Variants in CDH13 observed in about 807,000 individuals in gnomAD.
CDH13 encodes the protein cadherin-13.
Under a neutral mutation model 63.8 loss-of-function variants are expected in CDH13, and 24 were observed. The ratio of observed to expected loss-of-function variants is 0.38; its 90% CI spans 0.27 to 0.53. The LOEUF (loss-of-function observed/expected upper bound fraction) is 0.53, where lower values mean the gene tolerates loss of function less well. Ranked by LOEUF, CDH13 falls within the 20% of genes least tolerant of loss-of-function variation. The pLI, the probability that CDH13 is intolerant of heterozygous loss-of-function variation, is 0.85. For missense variants in CDH13, 1,049 were observed against 903.1 expected, an observed-to-expected ratio of 1.16 and a Z score of -2.07; for synonymous variants, 503 against 355.3, an observed-to-expected ratio of 1.42 and a Z score of -4.67.
At chr16:83,509,600 T>C (rs558654257) in intron 7 of CDH13, among the ~76,000 whole-genome samples, 1 of 152,206 alleles carries the variant, frequency 6.6e-6, no homozygotes, top group East Asian at 1.9e-4. Flanking sequence ...GGGAAGTAGA[T>C]TTCTGGAAAG....
intron 6 of CDH13, among the ~76,000 whole-genome samples, chr16:83,402,690 T>C (rs2091985946): frequency 6.6e-6 from 1 of 152,142 alleles, no homozygotes; most frequent in Admixed American, 6.5e-5. Context: ...ATGACTAAAG[T>C]CAAGCATTAG....
chr16:83,753,945 G>C (rs1432286788), intron 11 of CDH13, among the ~76,000 whole-genome samples: 2 of 115,784 alleles, frequency 1.7e-5, no homozygotes, highest in Admixed American at 8.6e-5. Flanking sequence ...ATTTCAAAAA[G>C]AAAACCTTTT....
intron 5 of CDH13, among the ~76,000 whole-genome samples, chr16:83,301,596 G>T (rs1010793518): frequency 2.0e-5 from 3 of 152,134 alleles, no homozygotes; most frequent in Non-Finnish European, 4.4e-5. Context: ...TATCTTCTCG[G>T]ATGTAAGAGA....
intron 2 of CDH13, among the ~76,000 whole-genome samples, chr16:82,977,220 G>A (rs1037741519): frequency 6.6e-6 from 1 of 152,158 alleles, no homozygotes; most frequent in Non-Finnish European, 1.5e-5. Flanking sequence ...CATGGACCCA[G>A]TGTCCTTTGT....
At chr16:83,145,476 G>A (rs1227230282) in intron 4 of CDH13, among the ~76,000 whole-genome samples, 1 of 152,156 alleles carries the variant, frequency 6.6e-6, no homozygotes, top group Admixed American at 6.5e-5. Context: ...GCCGTTATTA[G>A]CGATGACAAT....
At chr16:83,026,507 T>C (rs12918209) in intron 2 of CDH13, among the ~76,000 whole-genome samples, 35,251 of 152,086 alleles carry the variant, frequency 0.23, 4,936 homozygotes, top group Non-Finnish European at 0.31. Context: ...GGGACAAAAA[T>C]TGCACTTACA....
intron 9 of CDH13, among the ~76,000 whole-genome samples, chr16:83,676,294 C>T (rs1022555104): frequency 6.6e-6 from 1 of 152,134 alleles, no homozygotes; most frequent in African/African-American, 2.4e-5. Context: ...CCAAACTAGG[C>T]CAAGATTGTG....
intron 4 of CDH13, among the ~76,000 whole-genome samples, chr16:83,171,847 A>G (rs761196678): frequency 1.3e-5 from 2 of 152,160 alleles, no homozygotes; most frequent in Admixed American, 6.6e-5. Flanking sequence ...AACATAAGAA[A>G]TTTAATGTTT....
At chr16:83,055,547 C>G (rs910790640) in intron 3 of CDH13, among the ~76,000 whole-genome samples, 1 of 150,692 alleles carries the variant, frequency 6.6e-6, no homozygotes, top group Admixed American at 6.6e-5. Flanking sequence ...AATCAGTGTA[C>G]CAAAGCATAC....
chr16:82,670,745 A>G (rs1188763447), intron 1 of CDH13, among the ~76,000 whole-genome samples: 1 of 152,212 alleles, frequency 6.6e-6, no homozygotes, highest in Non-Finnish European at 1.5e-5. Context: ...CGTCTCTTCT[A>G]GTAGTCATTT....
chr16:82,800,031 A>G (rs1194885994), intron 1 of CDH13, among the ~76,000 whole-genome samples: 3 of 152,234 alleles, frequency 2.0e-5, no homozygotes, highest in Non-Finnish European at 4.4e-5. Flanking sequence ...CTCGAATGAC[A>G]TCACATCTTT....
At chr16:83,088,003 A>T (rs143571572) in intron 3 of CDH13, among the ~76,000 whole-genome samples, 468 of 152,324 alleles carry the variant, frequency 3.1e-3, no homozygotes, top group Non-Finnish European at 4.5e-3. Flanking sequence ...TTCAGCGGCT[A>T]CATTTGGAAA....
chr16:83,646,364 C>T (rs1054982386), intron 8 of CDH13, among the ~76,000 whole-genome samples: 7 of 152,144 alleles, frequency 4.6e-5, no homozygotes, highest in Non-Finnish European at 7.4e-5. Context: ...CACTAATAAG[C>T]TTTCTGTTGC....
At chr16:83,132,708 A>T (rs1227826590) in intron 4 of CDH13, among the ~76,000 whole-genome samples, 1 of 152,066 alleles carries the variant, frequency 6.6e-6, no homozygotes, top group African/African-American at 2.4e-5. Flanking sequence ...GATTACAAGC[A>T]TGAGCACCTG....
intron 6 of CDH13, among the ~76,000 whole-genome samples, chr16:83,362,430 T>A (rs2091180014): frequency 6.6e-6 from 1 of 152,244 alleles, no homozygotes; most frequent in Non-Finnish European, 1.5e-5. Context: ...TTTGTCTTTA[T>A]CTCTTTTTGC....
intron 5 of CDH13, among the ~76,000 whole-genome samples, chr16:83,316,236 G>T (rs1478166253): frequency 1.3e-5 from 2 of 152,182 alleles, no homozygotes; most frequent in Non-Finnish European, 2.9e-5. Context: ...AACACGTGGG[G>T]ATTACAATTC....
intron 1 of CDH13, among the ~76,000 whole-genome samples, chr16:82,647,855 C>G (rs1271700871): frequency 6.6e-6 from 1 of 152,118 alleles, no homozygotes; most frequent in Non-Finnish European, 1.5e-5. Context: ...GTGTCCCTGC[C>G]CAAATCTCAT....
chr16:83,027,481 G>A (rs1915925257), intron 2 of CDH13, among the ~76,000 whole-genome samples: 1 of 152,180 alleles, frequency 6.6e-6, no homozygotes, highest in Non-Finnish European at 1.5e-5. Context: ...CAAAGGGTGG[G>A]ACAGTAGAGT....
chr16:83,235,821 T>G (rs1385697852), intron 5 of CDH13, among the ~76,000 whole-genome samples: 1 of 152,198 alleles, frequency 6.6e-6, no homozygotes, highest in African/African-American at 2.4e-5. Flanking sequence ...TATGCTAGAA[T>G]GTGCATTTCT....
Sources: allele counts gnomAD v4.1 joint callset (sites outside exome capture counted in the v4.1 genomes callset), GRCh38; gene constraint gnomAD v4.1.1; transcripts MANE v1.5; gene names NCBI Gene and HGNC (gene_info 2026-07-23, HGNC 2026-07-21).